The following GOLGA8K variants were observed in gnomAD, a reference collection of about 807,000 sequenced individuals.
GOLGA8K encodes golgin subfamily A member 8K.
Under a neutral mutation model 75.2 loss-of-function variants are expected in GOLGA8K, and 12 were observed. The ratio of observed to expected loss-of-function variants is 0.16; its 90% CI spans 0.10 to 0.26. The LOEUF (loss-of-function observed/expected upper bound fraction) is 0.26, where lower values mean the gene tolerates loss of function less well. GOLGA8K is among the 10% of genes least tolerant of loss of function. GOLGA8K has a pLI of 1.00. For synonymous variants in GOLGA8K, 48 were observed against 236.6 expected, an observed-to-expected ratio of 0.20 and a Z score of 7.32; for missense variants, 109 against 640.8, an observed-to-expected ratio of 0.17 and a Z score of 8.96.
intron 8 of GOLGA8K, among the ~76,000 whole-genome samples, 188 bp downstream of exon 8, chr15:32,398,371 TG>T (rs2054658660): frequency 6.9e-6 from 1 of 144,814 alleles, no homozygotes; most frequent in East Asian, 2.1e-4. Flanking sequence ...CTCCACACAG[TG>T]ACCCCCAACT....
rs528363713 is a variant in GOLGA8K, at chr15:32,394,331, C to A, written c.1277-98G>T. 11 of 615,830 alleles carry A rather than the reference C, an allele frequency of 1.8e-5. 2 individuals are homozygous for A. The East Asian group carries it at 3.4e-4, about 19-fold the overall frequency. The allele number at this position is 615,830 out of a possible 1,614,324, so 38.1% of individuals were successfully genotyped here. On this transcript the variant is annotated intron_variant, in intron 14 of 18. Coordinates refer to ENST00000512626, the MANE Select transcript of GOLGA8K (RefSeq NM_001282493.2). ...CCCTCACTGTGTAACCCTGAGCCAG[C>A]CCCTCCCCAGAGAGGAATGAGCTGT...
intron 13 of GOLGA8K, among the ~76,000 whole-genome samples, chr15:32,395,707 C>G (rs2912177): frequency 0.012 from 1,702 of 146,760 alleles, 22 homozygotes; most frequent in African/African-American, 0.04. Context: ...GCCTGTTATA[C>G]CACTGTCTCT....
rs1393936949 is a variant in GOLGA8K, at chr15:32,397,224, C to T, written c.765G>A (p.Arg255=). The change falls in exon 10 of 19, where the codon AGG becomes AGA. Residue 255 remains arginine, a synonymous_variant. Transcript: ENST00000512626. The part of the protein sequence containing the change: ...LKGERARWQQ[R]MRKMSQEICT... ...TCACCTCCTGCGACATTTTTCTCAT[C>T]CTCTGCTGCCACCGGGCCCTCTCTC... is the stretch of plus-strand genomic sequence containing the variant. 6.8e-7 allele frequency: 1 copy of T among 1,467,238 alleles called. No homozygotes were observed. Among genetic ancestry groups the T allele is most frequent in the Non-Finnish European group, 9.4e-7 (1 of 1,065,548 alleles). The allele number at this position is 1,467,238 out of a possible 1,614,324, so 90.9% of individuals were successfully genotyped here. A position where few individuals can be genotyped will look rare whatever the true frequency, so the allele number is the denominator to read the frequency against.
At chr15:32,394,903 G>C (rs2054588755) in intron 13 of GOLGA8K, among the ~76,000 whole-genome samples, 163 bp from the exon 14 acceptor site, 1 of 144,976 alleles carries the variant, frequency 6.9e-6, no homozygotes, top group African/African-American at 2.5e-5. Flanking sequence ...TGGTTCATTA[G>C]CTGGGTCTGC....
At chr15:32,398,181 C>CAT (rs1490088666) in intron 8 of GOLGA8K, among the ~76,000 whole-genome samples, 1 of 144,894 alleles carries the variant, frequency 6.9e-6, no homozygotes, top group Non-Finnish European at 1.5e-5. Context: ...CACACACACA[C>CAT]ACACACACAC....
At position 32,393,298 on chromosome 15, in the gene GOLGA8K, T is replaced by C; in HGVS notation, c.1556A>G (p.Asp519Gly). The change falls in exon 17 of 19, where the codon GAT (aspartate) becomes GGT (glycine). Residue 519 changes from aspartate to glycine, a missense_variant. Asp to Gly is a moderately conservative substitution (Grantham distance 94, BLOSUM62 -1). Transcript: ENST00000512626. ...GHHQAGAQGG[D>G]EGEAAGAAAD... ...AGAGATGTTGCACACCCTACCTTCA[T>C]CTCCTCCCTGAGCTCCAGCCTGATG... is the stretch of plus-strand genomic sequence containing the variant. The C allele has an allele frequency of 1.7e-6, 1 of 587,942 alleles. No homozygotes were observed. The highest frequency in any genetic ancestry group is 1.7e-5 in the South Asian group (1 of 57,896). The allele number at this position is 587,942 out of a possible 1,614,324, so 36.4% of individuals were successfully genotyped here. A position where few individuals can be genotyped will look rare whatever the true frequency, so the allele number is the denominator to read the frequency against.
At chr15:32,395,651 A>G (rs982348626) in intron 13 of GOLGA8K, among the ~76,000 whole-genome samples, 21 of 144,280 alleles carry the variant, frequency 1.5e-4, no homozygotes, top group Non-Finnish European at 2.6e-4. Flanking sequence ...TCAGCCTCCC[A>G]AAGTGCTGGG....
intron 13 of GOLGA8K, among the ~76,000 whole-genome samples, chr15:32,395,242 T>C (rs1307334655): frequency 3.1e-5 from 4 of 130,920 alleles, no homozygotes; most frequent in East Asian, 2.7e-4. Flanking sequence ...CATACCCTCT[T>C]CTCATTTAAT....
In GOLGA8K at chr15:32,398,263, G is replaced by A. The variant is rs371297692; in HGVS notation, c.591+297C>T. Among the ~76,000 whole-genome samples, 15 of 145,494 alleles carry A rather than the reference G, an allele frequency of 1.0e-4. 1 individual carries two copies. In the East Asian group the frequency reaches 3.1e-3, roughly 30 times the overall value. On this transcript the variant is annotated intron_variant, in intron 8 of 18. Transcript: ENST00000512626. ...ACTCTTCTGTACCTTCACAGTACAA[G>A]TACCCAATACCCCACCTAGGACTAG...
Position 32,394,768 on chromosome 15 carries a change from G to A in GOLGA8K, c.1201-28C>T, listed in dbSNP as rs202016484. On this transcript the variant is annotated intron_variant, in intron 13 of 18. Transcript: ENST00000512626. ...GAGGGGCCAGGACAGAGTGAGAAGG[G>A]GTGGAGTTTGCCAGGTCATCCCCCT... 6.7e-4 allele frequency: 1,015 copies of A among 1,511,804 alleles called. 38 individuals are homozygous for A. The East Asian group carries it at 0.012, about 17-fold the overall frequency. The allele number at this position is 1,511,804 out of a possible 1,614,324, so 93.6% of individuals were successfully genotyped here.
chr15:32,394,899 A>T (rs1422068586), intron 13 of GOLGA8K, among the ~76,000 whole-genome samples, 159 bp from the exon 14 acceptor site: 1 of 144,670 alleles, frequency 6.9e-6, no homozygotes, highest in Non-Finnish European at 1.5e-5. Flanking sequence ...CAGCTGGTTC[A>T]TTAGCTGGGT....
intron 2 of GOLGA8K, among the ~76,000 whole-genome samples, chr15:32,400,726 ACCATAT>A (rs2054678958): frequency 1.2e-5 from 1 of 85,618 alleles, no homozygotes; most frequent in Non-Finnish European, 2.3e-5. Context: ...GGAAAATCAA[ACCATAT>A]CCTGGGTGTC....
chr15:32,401,322 C>G, intron 2 of GOLGA8K, 34 bp downstream of exon 2: 1 of 787,302 alleles, frequency 1.3e-6, no homozygotes, highest in Non-Finnish European at 1.8e-6. Flanking sequence ...CCTTGGGCCC[C>G]CTGTCCCCAG....
chr15:32,398,275 C>A (rs1421030810), intron 8 of GOLGA8K, among the ~76,000 whole-genome samples: 8 of 146,676 alleles, frequency 5.5e-5, no homozygotes, highest in African/African-American at 1.8e-4. Flanking sequence ...ACCCAATACC[C>A]CACCTAGGAC....
chr15:32,394,213 T>C lies in GOLGA8K; in HGVS notation c.1297A>G (p.Ser433Gly), dbSNP rs1486362742. The change falls in exon 15 of 19, where the codon AGT (serine) becomes GGT (glycine). Residue 433 changes from serine to glycine, a missense_variant. Transcript: ENST00000512626. ...PGEGHGEHLD[S>G]EGEEAPQPMP... ...GGCTGAGGTGCCTCCTCCCCCTCAC[T>C]GTCCAGATGTTCTCCGTGTCCTGTG... 3.3e-6 allele frequency: 5 copies of C among 1,523,832 alleles called. No individual in the cohort carries two copies. Among genetic ancestry groups the C allele is most frequent in the Middle Eastern group, 2.2e-4 (1 of 4,528 alleles). 94.4% of individuals were successfully genotyped at this position (1,523,832 alleles called of 1,614,324 possible).
Position 32,397,262 on chromosome 15 carries a change from C to G in GOLGA8K, c.727G>C (p.Glu243Gln), listed in dbSNP as rs1258398652. 5 of 1,570,452 alleles carry G rather than the reference C, an allele frequency of 3.2e-6. No homozygotes were observed. Among genetic ancestry groups the G allele is most frequent in the East Asian group, 4.5e-5 (2 of 43,958 alleles). Residue 243 changes from glutamate (E) to glutamine (Q), a missense_variant, in exon 10 of 19, where the codon GAA (glutamate) becomes CAA (glutamine). By Grantham distance (29) the Glu-to-Gln change is conservative (BLOSUM62 2). Transcript: ENST00000512626. ...QVQLERDEYSEHLKGERARWQ... is the reference protein window; with the variant it reads ...QVQLERDEYSQHLKGERARWQ... ...CGGGCCCTCTCTCCTTTTAGATGTT[C>G]AGAATACTCATCTCTTTCTAATTGG...
chr15:32,398,216 G>A (rs1264879218), intron 8 of GOLGA8K, among the ~76,000 whole-genome samples: 1 of 143,982 alleles, frequency 6.9e-6, no homozygotes, highest in African/African-American at 2.6e-5. Flanking sequence ...TCTTTCTACA[G>A]AAATGGTAAC....
At chr15:32,395,033 G>A (rs1314810590) in intron 13 of GOLGA8K, among the ~76,000 whole-genome samples, 1 of 149,210 alleles carries the variant, frequency 6.7e-6, no homozygotes, top group Non-Finnish European at 1.5e-5. Context: ...GAGCCTCTTG[G>A]CTCTTCAGCT....
intron 13 of GOLGA8K, 144 bp downstream of exon 13, chr15:32,395,819 A>C: frequency 1.5e-6 from 2 of 1,368,190 alleles, no homozygotes; most frequent in South Asian, 1.2e-5. Context: ...GGCAGGAAGC[A>C]AGAAACAGGA....
Sources: gnomAD v4.1 joint callset for allele counts (sites outside exome capture counted in the v4.1 genomes callset) on GRCh38, gnomAD v4.1.1 for gene constraint, MANE v1.5 for transcripts, NCBI Gene and HGNC (gene_info 2026-07-23, HGNC 2026-07-21) for gene names.